The following CUL4A variants were observed in gnomAD, a reference collection of about 807,000 sequenced individuals.
CUL4A encodes the protein cullin-4A.
A neutral mutation model predicts 95.5 loss-of-function variants in CUL4A; 16 were observed. The ratio of observed to expected loss-of-function variants is 0.17; its 90% CI spans 0.11 to 0.25. The LOEUF (loss-of-function observed/expected upper bound fraction) is 0.25. Ranked by LOEUF, CUL4A falls within the 10% of genes least tolerant of loss-of-function variation. CUL4A has a pLI of 1.00. For synonymous variants in CUL4A, 380 were observed against 353.1 expected, an observed-to-expected ratio of 1.08 and a Z score of -0.85; for missense variants, 610 against 937.0, an observed-to-expected ratio of 0.65 and a Z score of 4.56.
At chr13:113,250,188 A>G (rs1456300556) in intron 15 of CUL4A, among the ~76,000 whole-genome samples, 9 of 152,228 alleles carry the variant, frequency 5.9e-5, no homozygotes, top group Admixed American at 5.9e-4. Context: ...GGCCAGGTGC[A>G]GTGCCTCACA....
rs1447507782 is a variant in CUL4A, at chr13:113,264,992, T to G, written c.*1410T>G. 1 of 152,266 alleles carries G rather than the reference T, an allele frequency of 6.6e-6. No individual in the cohort carries two copies. Among genetic ancestry groups the G allele is most frequent in the Non-Finnish European group, 1.5e-5 (1 of 68,046 alleles). The allele number at this position is 152,266 out of a possible 1,614,324, so 9.4% of individuals were successfully genotyped here. On this transcript the variant is annotated 3_prime_UTR_variant, in exon 20 of 20. Coordinates refer to ENST00000375440, the MANE Select transcript of CUL4A (RefSeq NM_001008895.4). ...TCGTTGTGTCTAGAGATTGTTAATA[T>G]TGTAATTTAATGTAGACTTACTTTG...
intron 8 of CUL4A, among the ~76,000 whole-genome samples, chr13:113,235,805 C>T (rs2041520608): frequency 6.6e-6 from 1 of 152,006 alleles, no homozygotes; most frequent in African/African-American, 2.4e-5. Flanking sequence ...CCCGTCTCTA[C>T]TAACAATACA....
At chr13:113,208,310 G>A, upstream of CUL4A, 1 of 1,431,788 alleles carries the variant, frequency 7.0e-7, no homozygotes, top group Non-Finnish European at 9.1e-7. Flanking sequence ...ACACGTGCCA[G>A]CAAGTGAGGG....
At position 113,244,190 on chromosome 13, in the gene CUL4A, C is replaced by A. The variant is rs2041797826; in HGVS notation, c.1229-220C>A. On this transcript the variant is annotated intron_variant, in intron 11 of 19. Transcript: ENST00000375440. The stretch of plus-strand genomic sequence containing the variant: ...TTTAAAGATAAGAAAGATATTTAAA[C>A]CTGCTTTAAACATTCAGTCCTGGCT... The A allele has an allele frequency of 2.1e-5, 9 of 434,648 alleles. No homozygotes were observed. The East Asian group carries it at 3.3e-4, about 16-fold the overall frequency. The allele number at this position is 434,648 out of a possible 1,614,324, so 26.9% of individuals were successfully genotyped here.
intron 4 of CUL4A, among the ~76,000 whole-genome samples, chr13:113,228,421 G>A (rs2041185828): frequency 6.6e-6 from 1 of 152,212 alleles, no homozygotes; most frequent in African/African-American, 2.4e-5. Context: ...TTGACGTCAT[G>A]TATACATTTT....
At chr13:113,213,994 C>A (rs1399714389) in intron 2 of CUL4A, among the ~76,000 whole-genome samples, 1 of 152,234 alleles carries the variant, frequency 6.6e-6, no homozygotes, top group Non-Finnish European at 1.5e-5. Context: ...GATGTCTGAT[C>A]AAGCAGGCAA....
chr13:113,246,678 C>T (rs980363655), intron 15 of CUL4A, among the ~76,000 whole-genome samples: 3 of 152,212 alleles, frequency 2.0e-5, no homozygotes, highest in African/African-American at 7.2e-5. Flanking sequence ...CACACAGCTA[C>T]AGTGGTAGGA....
At position 113,263,658 on chromosome 13, in the gene CUL4A, T is replaced by A; in HGVS notation, c.*76T>A. ...GCAGGAAGCACACCTGTGCCATTTCTGGGACTCTGATTGATCCAGCTGTGG... is the reference window on the plus strand; with the variant it reads ...GCAGGAAGCACACCTGTGCCATTTCAGGGACTCTGATTGATCCAGCTGTGG... On this transcript the variant is annotated 3_prime_UTR_variant, in exon 20 of 20. Coordinates refer to ENST00000375440, the MANE Select transcript of CUL4A (RefSeq NM_001008895.4). 1 of 928,686 alleles carries A rather than the reference T, an allele frequency of 1.1e-6. No homozygotes were observed. Among genetic ancestry groups the A allele is most frequent in the Non-Finnish European group, 1.6e-6 (1 of 608,354 alleles). 57.5% of individuals were successfully genotyped at this position (928,686 alleles called of 1,614,324 possible). A position where few individuals can be genotyped will look rare whatever the true frequency, so the allele number is the denominator to read the frequency against.
At chr13:113,222,856 C>T (rs574238028) in intron 3 of CUL4A, among the ~76,000 whole-genome samples, 19 of 152,186 alleles carry the variant, frequency 1.2e-4, no homozygotes, top group Admixed American at 2.6e-4. Context: ...GCTGAGATTG[C>T]GCCACTGCAC....
chr13:113,249,770 C>CT (rs1259573064), intron 15 of CUL4A, among the ~76,000 whole-genome samples: 1 of 152,194 alleles, frequency 6.6e-6, no homozygotes, highest in African/African-American at 2.4e-5. Flanking sequence ...TGATCTGCCT[C>CT]TTTCGTTGTA....
chr13:113,243,639 C>T (rs545376463), intron 11 of CUL4A, among the ~76,000 whole-genome samples: 9 of 151,348 alleles, frequency 5.9e-5, no homozygotes, highest in African/African-American at 1.9e-4. Context: ...TGAAATACGA[C>T]GATACTAGAT....
chr13:113,251,407 CT>C (rs1180592401), intron 15 of CUL4A, among the ~76,000 whole-genome samples: 1 of 152,186 alleles, frequency 6.6e-6, no homozygotes, highest in Admixed American at 6.5e-5. Flanking sequence ...TTCACGCTTT[CT>C]TTGTCCCAAG....
At chr13:113,254,927 T>C (rs111526287) in intron 17 of CUL4A, 26 bp from the exon 18 acceptor site, 1 of 1,607,486 alleles carries the variant, frequency 6.2e-7, no homozygotes, top group South Asian at 1.1e-5. Flanking sequence ...AACGCCAGCC[T>C]TTGCCTGCAT....
At chr13:113,239,638 A>G (rs2139217359) in intron 10 of CUL4A, 87 bp downstream of exon 10, 1 of 987,744 alleles carries the variant, frequency 1.0e-6, no homozygotes. Context: ...TGCCCTGGCA[A>G]AGGGAACTGG....
At position 113,242,820 on chromosome 13, in the gene CUL4A, GAATTC is replaced by G. The variant is rs2041756693; in HGVS notation, c.1036-143_1036-139del. On this transcript the variant is annotated intron_variant, in intron 10 of 19. Coordinates refer to ENST00000375440, the MANE Select transcript of CUL4A (RefSeq NM_001008895.4). ...TGTATTCACTTAATTTTTGAAATGT[GAATTC>G]AATTTGTGAAACTTTTAAAGTTATT... 3 of 644,084 alleles carry G rather than the reference GAATTC, an allele frequency of 4.7e-6. No homozygotes were observed. The Admixed American group carries it at 1.0e-4, about 22-fold the overall frequency. The allele number at this position is 644,084 out of a possible 1,614,324, so 39.9% of individuals were successfully genotyped here.
At chr13:113,240,931 C>T (rs1160499387) in intron 10 of CUL4A, among the ~76,000 whole-genome samples, 1 of 152,172 alleles carries the variant, frequency 6.6e-6, no homozygotes, top group African/African-American at 2.4e-5. Flanking sequence ...AATAAAGACA[C>T]TGGGATTGCT....
chr13:113,251,219 G>A (rs1040754177), intron 15 of CUL4A, among the ~76,000 whole-genome samples: 2 of 152,168 alleles, frequency 1.3e-5, no homozygotes, highest in African/African-American at 2.4e-5. Flanking sequence ...CTGAGGAGGC[G>A]GTTCTGGAAA....
In CUL4A at chr13:113,244,517, G is replaced by A. The variant is rs1262018514; in HGVS notation, c.1333+3G>A. 1.2e-6 allele frequency: 2 copies of A among 1,606,064 alleles called. No individual in the cohort carries two copies. The highest frequency in any genetic ancestry group is 1.7e-6 in the Non-Finnish European group (2 of 1,174,736). The stretch of plus-strand genomic sequence containing the variant: ...GATCCTGTTCAGGTTTATCCACGGT[G>A]AGACTCGGGCACTCAGAAAATGCTG... On this transcript the variant is annotated splice_donor_region_variant and intron_variant, in intron 12 of 19. Transcript: ENST00000375440.
At chr13:113,263,339 A>G (rs1249820955) in intron 19 of CUL4A, 148 bp from the exon 20 acceptor site, 1 of 358,124 alleles carries the variant, frequency 2.8e-6, no homozygotes, top group Non-Finnish European at 5.0e-6. Flanking sequence ...AAATATGTGT[A>G]TAATTATAAA....
Sources: gnomAD v4.1 joint callset for allele counts (sites outside exome capture counted in the v4.1 genomes callset) on GRCh38, gnomAD v4.1.1 for gene constraint, MANE v1.5 for transcripts, NCBI Gene and HGNC (gene_info 2026-07-23, HGNC 2026-07-21) for gene names.